The following FRMPD4 variants were observed in gnomAD, a reference collection of about 807,000 sequenced individuals.
FRMPD4 encodes the protein FERM and PDZ domain-containing protein 4.
FRMPD4 carries 22 observed loss-of-function variants against 94.1 expected under a neutral mutation model. The ratio of observed to expected loss-of-function variants is 0.23; its 90% confidence interval spans 0.17 to 0.33. The LOEUF (loss-of-function observed/expected upper bound fraction) is 0.33, where lower values mean the gene tolerates loss of function less well. FRMPD4 is among the 10% of genes least tolerant of loss of function. FRMPD4 has a pLI of 1.00. For missense variants in FRMPD4, 1,111 were observed against 1,339.9 expected (o/e 0.83, Z 2.67); for synonymous variants, 631 against 548.6 (o/e 1.15, Z -2.10).
chrX:12,386,724 G>T (rs2056402004), intron 1 of FRMPD4, among the ~76,000 whole-genome samples: 1 of 111,750 alleles, frequency 8.9e-6, no homozygotes, highest in African/African-American at 3.3e-5. Context: ...AAAAAGAGGT[G>T]CAGCTTGAAG....
chrX:12,224,391 A>G lies in FRMPD4; in HGVS notation c.41+85379A>G, dbSNP rs559572161. Among the ~76,000 whole-genome samples the G allele has an allele frequency of 1.2e-3, 129 of 110,405 alleles. No individual in the cohort carries two copies. In the South Asian group the frequency reaches 0.019, roughly 17 times the overall value. ...GAGCCTCCTGAATAGCTGGGACTAT[A>G]ATCGCACGCCACCACACCCAGCTAA... On this transcript the variant is annotated intron_variant, in intron 1 of 16. Coordinates refer to ENST00000675598, the MANE Select transcript of FRMPD4 (RefSeq NM_001368397.1).
chrX:12,673,592 A>G (rs894099936), intron 4 of FRMPD4, among the ~76,000 whole-genome samples: 3 of 111,809 alleles, frequency 2.7e-5, no homozygotes, highest in Non-Finnish European at 5.6e-5. Flanking sequence ...CCCACCAGCA[A>G]TGCAGATCCT....
At chrX:11,894,118 C>A (rs1334888848) in intron 3 of FRMPD4, among the ~76,000 whole-genome samples, 1 of 111,730 alleles carries the variant, frequency 9.0e-6, no homozygotes, top group Non-Finnish European at 1.9e-5. Flanking sequence ...TGCTTGTGAT[C>A]TTCCCTTCCT....
chrX:12,681,205 T>G (rs939335072), intron 5 of FRMPD4, among the ~76,000 whole-genome samples: 10 of 111,950 alleles, frequency 8.9e-5, no homozygotes, highest in Non-Finnish European at 1.9e-4. Context: ...CTGGGTAGCT[T>G]TATTACAGCC....
rs911762520 is a variant in FRMPD4, at chrX:12,096,154, C to G, written c.95+218136C>G. 1.2e-4 allele frequency among the ~76,000 whole-genome samples: 14 copies of G among 112,533 alleles called. No individual in the cohort carries two copies. The Admixed American group carries it at 1.3e-3, about 11-fold the overall frequency. ...CTGATCTGTAATATACTTCTTAAAA[C>G]ATTATATCGGAAACAGGTATAATAT... On this transcript the variant is annotated intron_variant, in intron 3 of 18. Coordinates refer to the FRMPD4 transcript ENST00000640291.
At chrX:11,901,164 G>A (rs1291531724) in intron 3 of FRMPD4, among the ~76,000 whole-genome samples, 1 of 111,515 alleles carries the variant, frequency 9.0e-6, no homozygotes, top group Non-Finnish European at 1.9e-5. Context: ...AGTAAGTTCA[G>A]TGGTTATTTG....
intron 9 of FRMPD4, among the ~76,000 whole-genome samples, chrX:12,699,647 C>G (rs2060168301): frequency 8.9e-6 from 1 of 112,199 alleles, no homozygotes; most frequent in Non-Finnish European, 1.9e-5. Flanking sequence ...GCAAGCAAAT[C>G]TTGATATAGT....
chrX:12,186,552 A>G lies in FRMPD4; in HGVS notation c.41+47540A>G, dbSNP rs763513668. ...AATTTTTTATGACGACAACATCAAT[A>G]TATTTCGACACCTTGCCTATTGAAG... On this transcript the variant is annotated intron_variant, in intron 1 of 16. Transcript: ENST00000675598. 1.4e-4 allele frequency among the ~76,000 whole-genome samples: 16 copies of G among 111,657 alleles called. No homozygotes were observed. The South Asian group carries it at 5.3e-3, about 37-fold the overall frequency.
chrX:11,823,995 G>T (rs1321846967), intron 1 of FRMPD4, among the ~76,000 whole-genome samples: 3 of 111,790 alleles, frequency 2.7e-5, no homozygotes, highest in Non-Finnish European at 5.6e-5. Flanking sequence ...AAGCTGATGG[G>T]ACCATAGTTC....
chrX:11,930,077 C>T (rs2147351202), intron 3 of FRMPD4, among the ~76,000 whole-genome samples: 1 of 81,981 alleles, frequency 1.2e-5, no homozygotes, highest in African/African-American at 4.6e-5. Context: ...CACTGCACTC[C>T]AGCCTGGGCA....
chrX:12,024,909 G>T (rs913307293), intron 3 of FRMPD4, among the ~76,000 whole-genome samples: 1 of 111,188 alleles, frequency 9.0e-6, no homozygotes, highest in Non-Finnish European at 1.9e-5. Context: ...TGAATATTCC[G>T]CAATTTATTT....
chrX:12,039,547 G>A (rs903901566), intron 3 of FRMPD4, among the ~76,000 whole-genome samples: 1 of 109,678 alleles, frequency 9.1e-6, no homozygotes, highest in Non-Finnish European at 1.9e-5. Flanking sequence ...TTTTTTTGTT[G>A]TTTTGCTAAT....
intron 1 of FRMPD4, among the ~76,000 whole-genome samples, chrX:12,362,892 G>T (rs766895417): frequency 5.4e-5 from 6 of 111,532 alleles, no homozygotes; most frequent in African/African-American, 1.3e-4. Flanking sequence ...TTGAATGATC[G>T]CCATTCTAAC....
chrX:12,545,668 T>C (rs1158154537), intron 2 of FRMPD4, among the ~76,000 whole-genome samples: 1 of 112,990 alleles, frequency 8.9e-6, no homozygotes, highest in Non-Finnish European at 1.9e-5. Context: ...ACTGGTTACA[T>C]CTACAGCTTC....
intron 3 of FRMPD4, among the ~76,000 whole-genome samples, chrX:12,060,084 A>G (rs1039010184): frequency 3.6e-5 from 4 of 111,117 alleles, no homozygotes; most frequent in African/African-American, 1.3e-4. Context: ...ATTTCTTAAC[A>G]TATATCATTA....
chrX:12,069,939 A>T (rs780391831), intron 3 of FRMPD4, among the ~76,000 whole-genome samples: 2 of 111,990 alleles, frequency 1.8e-5, no homozygotes, highest in Non-Finnish European at 3.8e-5. Flanking sequence ...ACCTGATGGC[A>T]GTAGGTCCAA....
At chrX:12,027,275 G>A (rs1400710509) in intron 3 of FRMPD4, among the ~76,000 whole-genome samples, 2 of 112,003 alleles carry the variant, frequency 1.8e-5, no homozygotes, top group African/African-American at 6.5e-5. Flanking sequence ...TTTTTAGATG[G>A]CTTATTACTT....
At chrX:12,013,596 T>C (rs1167646373) in intron 3 of FRMPD4, among the ~76,000 whole-genome samples, 3 of 113,325 alleles carry the variant, frequency 2.6e-5, no homozygotes, top group Non-Finnish European at 5.6e-5. Flanking sequence ...GCTTCTTTAT[T>C]GTCCATTTCC....
chrX:12,162,011 G>T (rs1243698112), intron 1 of FRMPD4, among the ~76,000 whole-genome samples: 2 of 111,000 alleles, frequency 1.8e-5, no homozygotes, highest in African/African-American at 6.5e-5. Context: ...GACCCATACG[G>T]CCTTTGTACA....
Sources: allele counts gnomAD v4.1 joint callset (sites outside exome capture counted in the v4.1 genomes callset), GRCh38; gene constraint gnomAD v4.1.1; transcripts MANE v1.5; gene names NCBI Gene and HGNC (gene_info 2026-07-23, HGNC 2026-07-21).